Variants in MAP4 observed in about 807,000 individuals in gnomAD.
The protein encoded by MAP4 is microtubule-associated protein 4.
MAP4 carries 76 observed loss-of-function variants against 170.2 expected under a neutral mutation model. The ratio of observed to expected loss-of-function variants is 0.45; its 90% CI spans 0.37 to 0.54. The LOEUF (loss-of-function observed/expected upper bound fraction) is 0.54. Among genes scored for constraint, MAP4 ranks in the 20% least tolerant of loss-of-function variants. The probability of loss-of-function intolerance (pLI) is 0.00; values close to 1 mark genes in which losing one functional copy is unlikely to be tolerated. For missense variants in MAP4, 2,506 were observed against 2,748.0 expected, an observed-to-expected ratio of 0.91 and a Z score of 1.97; for synonymous variants, 909 against 994.5, an observed-to-expected ratio of 0.91 and a Z score of 1.62.
At chr3:47,981,792 A>G (rs1249984676) in intron 2 of MAP4, among the ~76,000 whole-genome samples, 1 of 151,816 alleles carries the variant, frequency 6.6e-6, no homozygotes, top group Non-Finnish European at 1.5e-5. Context: ...CTTTATTCCC[A>G]TATATTTACC....
chr3:47,995,002 G>A (rs1432250997), intron 2 of MAP4, among the ~76,000 whole-genome samples: 3 of 151,866 alleles, frequency 2.0e-5, no homozygotes, highest in African/African-American at 4.8e-5. Context: ...AGAAATTGGC[G>A]AGTGGTTACT....
At chr3:47,930,695 A>G (rs1317901985) in intron 3 of MAP4, among the ~76,000 whole-genome samples, 2 of 151,244 alleles carry the variant, frequency 1.3e-5, no homozygotes, top group South Asian at 4.2e-4. Flanking sequence ...TTGGGAGGCC[A>G]AGGTGGGCGG....
intron 3 of MAP4, among the ~76,000 whole-genome samples, chr3:47,940,230 GA>G (rs2100055422): frequency 6.6e-6 from 1 of 152,068 alleles, no homozygotes. Context: ...GCAAAGTTCA[GA>G]ATCACCAGTC....
chr3:48,047,426 G>A (rs997321563), intron 1 of MAP4, among the ~76,000 whole-genome samples: 1 of 152,072 alleles, frequency 6.6e-6, no homozygotes, highest in African/African-American at 2.4e-5. Flanking sequence ...AGGTAGGGTA[G>A]AGCAAGCAGA....
chr3:48,043,379 G>A (rs1275904803), intron 1 of MAP4, among the ~76,000 whole-genome samples: 1 of 152,178 alleles, frequency 6.6e-6, no homozygotes, highest in Admixed American at 6.6e-5. Context: ...GTGATTACAG[G>A]CATGAGCCAC....
chr3:48,012,634 C>G (rs2100105848), intron 1 of MAP4, among the ~76,000 whole-genome samples: 1 of 152,030 alleles, frequency 6.6e-6, no homozygotes, highest in Admixed American at 6.6e-5. Context: ...TAATCTTTCC[C>G]CTATCCAACC....
At position 47,960,735 on chromosome 3, in the gene MAP4, G is replaced by A. The variant is rs186241090; in HGVS notation, c.292+17130C>T. On this transcript the variant is annotated intron_variant, in intron 3 of 20. Coordinates refer to ENST00000683076, the MANE Select transcript of MAP4 (RefSeq NM_001385682.1). ...ACTTCAATACATCAAGAGGACATTAGCACCAATGTAAGATTCTCATGACTT... is the reference window on the plus strand; with the variant it reads ...ACTTCAATACATCAAGAGGACATTAACACCAATGTAAGATTCTCATGACTT... The A allele has an allele frequency of 9.5e-4, 156 of 164,594 alleles. No homozygotes were observed. In the East Asian group the frequency reaches 0.024, roughly 25 times the overall value. The allele number at this position is 164,594 out of a possible 1,614,324, so 10.2% of individuals were successfully genotyped here. A position where few individuals can be genotyped will look rare whatever the true frequency, so the allele number is the denominator to read the frequency against.
chr3:48,077,733 G>A (rs1286982348), intron 1 of MAP4, among the ~76,000 whole-genome samples: 1 of 152,094 alleles, frequency 6.6e-6, no homozygotes, highest in Non-Finnish European at 1.5e-5. Flanking sequence ...CCATATAAAA[G>A]CATATCAATC....
chr3:48,068,748 C>T (rs898548376), intron 1 of MAP4, among the ~76,000 whole-genome samples: 2 of 152,210 alleles, frequency 1.3e-5, no homozygotes, highest in African/African-American at 4.8e-5. Context: ...CGCACCACTG[C>T]ACTCCAGCCT....
At chr3:48,075,352 C>T (rs1344880928) in intron 1 of MAP4, among the ~76,000 whole-genome samples, 1 of 151,910 alleles carries the variant, frequency 6.6e-6, no homozygotes, top group Non-Finnish European at 1.5e-5. Flanking sequence ...TGGTGAAACC[C>T]CGTCTCTACC....
chr3:48,056,968 C>T lies in MAP4; in HGVS notation c.-20+31805G>A, dbSNP rs1249037529. Among the ~76,000 whole-genome samples the T allele has an allele frequency of 4.0e-5, 5 of 125,004 alleles. No individual in the cohort carries two copies. In the East Asian group the frequency reaches 1.1e-3, roughly 27 times the overall value. 82.0% of individuals were successfully genotyped at this position (125,004 alleles called of 152,430 possible). On this transcript the variant is annotated intron_variant, in intron 1 of 18. Coordinates refer to the MAP4 transcript ENST00000360240. ...CAGCCCCCCGCCCGGCCAGCCGCCC[C>T]GTCCGGGAGGGAGGTGGGGGGGGTC...
At chr3:47,897,609 C>A (rs1000319772) in intron 10 of MAP4, among the ~76,000 whole-genome samples, 1 of 152,038 alleles carries the variant, frequency 6.6e-6, no homozygotes, top group African/African-American at 2.4e-5. Flanking sequence ...AGAGGCAATG[C>A]ACTTGGTTTC....
chr3:47,919,211 G>A (rs1559464991), intron 5 of MAP4, among the ~76,000 whole-genome samples: 2 of 152,084 alleles, frequency 1.3e-5, no homozygotes, highest in African/African-American at 4.8e-5. Context: ...GATTACAGGC[G>A]TGAACCACCG....
chr3:48,054,976 GC>G (rs1025808206), intron 1 of MAP4, among the ~76,000 whole-genome samples: 15 of 152,002 alleles, frequency 9.9e-5, no homozygotes, highest in African/African-American at 3.6e-4. Context: ...TCTAGCAAAG[GC>G]CAAGTGGGGA....
chr3:48,003,818 C>A (rs1312243954), intron 1 of MAP4, among the ~76,000 whole-genome samples: 1 of 151,994 alleles, frequency 6.6e-6, no homozygotes, highest in Non-Finnish European at 1.5e-5. Flanking sequence ...GCAGACACAC[C>A]CTTAATTGGG....
At chr3:48,085,664 G>A (rs906150132) in intron 1 of MAP4, among the ~76,000 whole-genome samples, 1 of 152,208 alleles carries the variant, frequency 6.6e-6, no homozygotes, top group African/African-American at 2.4e-5. Flanking sequence ...GCTCATGCCT[G>A]TAATCCCAAC....
intron 10 of MAP4, among the ~76,000 whole-genome samples, chr3:47,902,319 A>G (rs1377852271): frequency 6.6e-6 from 1 of 152,088 alleles, no homozygotes; most frequent in African/African-American, 2.4e-5. Flanking sequence ...AAGGTTCAAT[A>G]AATGGTAGCT....
At position 47,909,888 on chromosome 3, in the gene MAP4, A is replaced by G. The variant is rs1296913526; in HGVS notation, c.4533T>C (p.Pro1511=). The G allele has an allele frequency of 1.2e-6, 2 of 1,613,932 alleles. No individual in the cohort carries two copies. The highest frequency in any genetic ancestry group is 2.7e-5 in the African/African-American group (2 of 74,942). The stretch of plus-strand genomic sequence containing the variant: ...TAACTGTTTCTATGGCTGTTGTAAT[A>G]GGTAGAGCAACTCCTCCTGTGCTTG... ...PSTSTGGVAL[P]ITTAIETVNI... Residue 1511 remains proline, a synonymous_variant, in exon 9 of 21, where the codon CCT becomes CCC. Coordinates refer to ENST00000683076, the MANE Select transcript of MAP4 (RefSeq NM_001385682.1).
At chr3:48,057,610 A>AAAT (rs1559874148) in intron 1 of MAP4, among the ~76,000 whole-genome samples, 42 of 127,148 alleles carry the variant, frequency 3.3e-4, no homozygotes, top group Admixed American at 9.9e-4. Flanking sequence ...TATCAATAAA[A>AAAT]AAATAAATAA....
Sources: gnomAD v4.1 joint callset for allele counts (sites outside exome capture counted in the v4.1 genomes callset) on GRCh38, gnomAD v4.1.1 for gene constraint, MANE v1.5 for transcripts, NCBI Gene and HGNC (gene_info 2026-07-23, HGNC 2026-07-21) for gene names.